The following TMPRSS12 variants were observed in gnomAD, a reference collection of about 807,000 sequenced individuals.
The protein encoded by TMPRSS12 is transmembrane serine protease 12.
Under a neutral mutation model 26.0 loss-of-function variants are expected in TMPRSS12, and 25 were observed. The ratio of observed to expected loss-of-function variants is 0.96; its 90% CI spans 0.70 to 1.34. The LOEUF is 1.34. Among genes scored for constraint, TMPRSS12 ranks in the 40% most tolerant of loss-of-function variants. TMPRSS12 has a pLI of 0.00. For missense variants in TMPRSS12, 441 were observed against 440.1 expected, an observed-to-expected ratio of 1.00 and a Z score of -0.02; for synonymous variants, 150 against 161.7, an observed-to-expected ratio of 0.93 and a Z score of 0.55.
Position 50,843,917 on chromosome 12 carries a change from C to T in TMPRSS12, c.263C>T (p.Ala88Val), listed in dbSNP as rs1238609487. 1.3e-6 allele frequency: 2 copies of T among 1,584,856 alleles called. No homozygotes were observed. Among genetic ancestry groups the T allele is most frequent in the Non-Finnish European group, 1.7e-6 (2 of 1,165,148 alleles). Residue 88 changes from alanine (A) to valine (V), a missense_variant, in exon 2 of 5, where the codon GCA becomes GTA. By Grantham distance (64) the Ala-to-Val change is moderately conservative (BLOSUM62 0). Transcript: ENST00000398458. ...IIGGTEAQAGAWPWVVSLQIK... is the reference protein window; with the variant it reads ...IIGGTEAQAGVWPWVVSLQIK... ...GGGGGCACCGAAGCACAAGCTGGCGCATGGCCGTGGGTGGTGAGCCTGCAG... is the reference window on the plus strand; with the variant it reads ...GGGGGCACCGAAGCACAAGCTGGCGTATGGCCGTGGGTGGTGAGCCTGCAG...
intron 3 of TMPRSS12, among the ~76,000 whole-genome samples, chr12:50,873,294 A>G (rs1245234402): frequency 6.6e-6 from 1 of 151,980 alleles, no homozygotes; most frequent in Non-Finnish European, 1.5e-5. Flanking sequence ...TAAAGAATTT[A>G]CTCTTGTAAC....
intron 2 of TMPRSS12, among the ~76,000 whole-genome samples, chr12:50,848,556 C>T (rs1363288285): frequency 6.6e-6 from 1 of 152,202 alleles, no homozygotes; most frequent in Non-Finnish European, 1.5e-5. Flanking sequence ...TTCCTTATAA[C>T]ATGAACTTAC....
intron 3 of TMPRSS12, among the ~76,000 whole-genome samples, chr12:50,878,939 A>C (rs1482985164): frequency 6.6e-6 from 1 of 152,210 alleles, no homozygotes; most frequent in Non-Finnish European, 1.5e-5. Flanking sequence ...AGAGGCCCCA[A>C]AAAGCTGCCT....
chr12:50,846,729 C>T (rs986041696), intron 2 of TMPRSS12, among the ~76,000 whole-genome samples: 2 of 151,718 alleles, frequency 1.3e-5, no homozygotes, highest in African/African-American at 4.9e-5. Flanking sequence ...CAGGTGTGCA[C>T]CACCATGTCT....
intron 3 of TMPRSS12, among the ~76,000 whole-genome samples, chr12:50,860,455 T>C (rs1937923937): frequency 6.6e-6 from 1 of 152,110 alleles, no homozygotes. Flanking sequence ...TCACTCTGTC[T>C]CTCAGGCTGG....
rs1938062503 is a variant in TMPRSS12 at position 50,872,653 on chromosome 12, T to C, written c.653-12593T>C. On this transcript the variant is annotated intron_variant, in intron 3 of 4. Coordinates refer to ENST00000398458, the MANE Select transcript of TMPRSS12 (RefSeq NM_182559.3). ...CATATATATGACGTATATGTACATATATGACGTATATGTACATATATATGA... is the reference window on the plus strand; with the variant it reads ...CATATATATGACGTATATGTACATACATGACGTATATGTACATATATATGA... Among the ~76,000 whole-genome samples, 2 of 114,348 alleles carry C rather than the reference T, an allele frequency of 1.7e-5. 1 individual carries two copies. 75.0% of individuals were successfully genotyped at this position (114,348 alleles called of 152,430 possible).
chr12:50,859,422 G>A (rs1431064619), intron 3 of TMPRSS12, among the ~76,000 whole-genome samples: 1 of 152,052 alleles, frequency 6.6e-6, no homozygotes, highest in Non-Finnish European at 1.5e-5. Context: ...CTCCATGTTG[G>A]TCAGGCTGGT....
At chr12:50,864,151 A>G (rs1203662115) in intron 3 of TMPRSS12, among the ~76,000 whole-genome samples, 1 of 152,196 alleles carries the variant, frequency 6.6e-6, no homozygotes, top group African/African-American at 2.4e-5. Flanking sequence ...TTTGCTATCC[A>G]AAGTAACACT....
Position 50,862,137 on chromosome 12 carries a change from A to G in TMPRSS12, c.652+3084A>G, listed in dbSNP as rs764183708. Among the ~76,000 whole-genome samples, 140 of 152,302 alleles carry G rather than the reference A, an allele frequency of 9.2e-4. 1 individual carries two copies. The highest frequency in any genetic ancestry group is 1.8e-3 in the Non-Finnish European group (123 of 68,018). On this transcript the variant is annotated intron_variant, in intron 3 of 4. Coordinates refer to ENST00000398458, the MANE Select transcript of TMPRSS12 (RefSeq NM_182559.3). ...TATATCATCTTTCACAATGTCATAC[A>G]GTTTCATGATCTTTAAAGTGAGAGC...
At chr12:50,849,477 C>A (rs1264797150) in intron 2 of TMPRSS12, among the ~76,000 whole-genome samples, 1 of 149,826 alleles carries the variant, frequency 6.7e-6, no homozygotes, top group Non-Finnish European at 1.5e-5. Context: ...GTAATTACTA[C>A]AATCAAGATT....
chr12:50,871,672 A>C (rs1938043851), intron 3 of TMPRSS12, among the ~76,000 whole-genome samples: 1 of 152,220 alleles, frequency 6.6e-6, no homozygotes, highest in Non-Finnish European at 1.5e-5. Context: ...AGTGAGAGAA[A>C]ATCTTCACAA....
At chr12:50,872,793 C>T (rs199849299) in intron 3 of TMPRSS12, among the ~76,000 whole-genome samples, 8 of 94,706 alleles carry the variant, frequency 8.4e-5, no homozygotes, top group African/African-American at 8.7e-5. Flanking sequence ...ATATATATGA[C>T]GTATATATGT....
rs1316743857 is a variant in TMPRSS12, at chr12:50,843,138, G to A, written c.174G>A (p.Gly58=). The change falls in exon 1 of 5, where the codon GGG becomes GGA. Residue 58 remains glycine (G), a synonymous_variant. Transcript: ENST00000398458. ...RKRLRRRREG[G]AHAEDCGTAP... ...GGCTCCGGCGGCGGAGGGAGGGAGG[G>A]GCGCATGCAGAGGGCAGTACCTGTT... 1 of 1,567,200 alleles carries A rather than the reference G, an allele frequency of 6.4e-7. No homozygotes were observed. The highest frequency in any genetic ancestry group is 8.7e-7 in the Non-Finnish European group (1 of 1,155,420).
In TMPRSS12 at chr12:50,885,398, AGT is replaced by A. The variant is rs764701325; in HGVS notation, c.795+11_795+12del. The A allele has an allele frequency of 1.2e-6, 2 of 1,613,794 alleles. No homozygotes were observed. The highest frequency in any genetic ancestry group is 2.2e-5 in the South Asian group (2 of 91,080). ...TTTTGATACTTGCAGGGTAAGACCA[AGT>A]AATTTTCCTTTAAAATATTTTCTGA... On this transcript the variant is annotated intron_variant, in intron 4 of 4. Coordinates refer to ENST00000398458, the MANE Select transcript of TMPRSS12 (RefSeq NM_182559.3).
chr12:50,885,442 G>C, intron 4 of TMPRSS12, 54 bp downstream of exon 4: 1 of 1,599,340 alleles, frequency 6.3e-7, no homozygotes, highest in Non-Finnish European at 8.6e-7. Flanking sequence ...AAGGGAACTT[G>C]TCAAACAAGG....
At chr12:50,879,040 G>C (rs895454642) in intron 3 of TMPRSS12, among the ~76,000 whole-genome samples, 14 of 152,186 alleles carry the variant, frequency 9.2e-5, no homozygotes, top group Non-Finnish European at 1.6e-4. Context: ...CCAGTGCCTT[G>C]ATCTTCAATT....
Position 50,843,038 on chromosome 12 carries a change from C to T in TMPRSS12, c.74C>T (p.Pro25Leu), listed in dbSNP as rs1347541423. Residue 25 changes from proline (P) to leucine (L), a missense_variant, in exon 1 of 5, where the codon CCC becomes CTC. Coordinates refer to ENST00000398458, the MANE Select transcript of TMPRSS12 (RefSeq NM_182559.3). ...SSHLYSDHYS[P>L]SGRHRLGPSP... The stretch of plus-strand genomic sequence containing the variant: ...CACTTATACTCAGACCACTACTCGC[C>T]CTCTGGAAGGCACAGGCTCGGCCCC... The T allele has an allele frequency of 3.7e-6, 6 of 1,605,526 alleles. No individual in the cohort carries two copies. The highest frequency in any genetic ancestry group is 5.1e-6 in the Non-Finnish European group (6 of 1,176,288).
intron 2 of TMPRSS12, among the ~76,000 whole-genome samples, chr12:50,847,131 T>G (rs2139719018): frequency 6.9e-6 from 1 of 144,198 alleles, no homozygotes; most frequent in East Asian, 2.2e-4. Flanking sequence ...CGATCTCGGC[T>G]CACTGCAAGC....
intron 2 of TMPRSS12, 63 bp downstream of exon 2, chr12:50,844,100 C>T: frequency 7.2e-7 from 1 of 1,388,238 alleles, no homozygotes; most frequent in South Asian, 1.6e-5. Flanking sequence ...GATAGAGGAC[C>T]ATTTAACTTC....
Sources: gnomAD v4.1 joint callset for allele counts (sites outside exome capture counted in the v4.1 genomes callset) on GRCh38, gnomAD v4.1.1 for gene constraint, MANE v1.5 for transcripts, NCBI Gene and HGNC (gene_info 2026-07-23, HGNC 2026-07-21) for gene names.